The following CCDC39 variants were observed in gnomAD, a reference collection of about 807,000 sequenced individuals.
The protein encoded by CCDC39 is coiled-coil domain-containing protein 39.
In CCDC39, 113 loss-of-function variants were observed where a neutral mutation model predicts 121.0. That is an observed-to-expected ratio of 0.93 (90% CI 0.80 to 1.09). The LOEUF is 1.09. Ranked by LOEUF, CCDC39 falls within the 50% of genes least tolerant of loss-of-function variation. The pLI is 0.00. For synonymous variants in CCDC39, 349 were observed against 352.2 expected, an observed-to-expected ratio of 0.99 and a Z score of 0.10; for missense variants, 1,063 against 1,074.7, an observed-to-expected ratio of 0.99 and a Z score of 0.15.
At chr3:180,660,318 G>A (rs757202148) in intron 4 of CCDC39, among the ~76,000 whole-genome samples, 2 of 151,980 alleles carry the variant, frequency 1.3e-5, no homozygotes, top group Admixed American at 6.6e-5. Context: ...CTTAACCTGC[G>A]ATCCATGAAT....
At chr3:180,671,491 A>C (rs1518865) in intron 1 of CCDC39, among the ~76,000 whole-genome samples, 38,769 of 151,968 alleles carry the variant, frequency 0.26, 5,719 homozygotes, top group East Asian at 0.4. Context: ...CCCTTGAATT[A>C]TTTCCTGTGT....
rs540660862 is a variant in CCDC39 at position 180,642,152 on chromosome 3, C to G, written c.1715G>C (p.Arg572Pro). ...TTCTGCCTTACTGTGAAGCATTTCT[C>G]GAGTACGCTTAACTTCAAGTTTTAA... ...NLLKLEVKRT[R>P]EMLHSKAEEV... Residue 572 changes from arginine to proline, a missense_variant, in exon 13 of 20, where the codon CGA becomes CCA. Arg to Pro is a moderately radical substitution (Grantham distance 103). Transcript: ENST00000476379. The G allele has an allele frequency of 4.3e-6, 7 of 1,611,196 alleles. No individual in the cohort carries two copies. The highest frequency in any genetic ancestry group is 5.9e-6 in the Non-Finnish European group (7 of 1,178,270).
intron 13 of CCDC39, among the ~76,000 whole-genome samples, chr3:180,638,059 T>C (rs1407607997): frequency 6.6e-6 from 1 of 152,132 alleles, no homozygotes; most frequent in African/African-American, 2.4e-5. Flanking sequence ...AACCTGCACA[T>C]GTACCCCTGA....
At chr3:180,642,261 T>G in intron 12 of CCDC39, 60 bp from the exon 13 acceptor site, 5 of 1,098,290 alleles carry the variant, frequency 4.6e-6, no homozygotes, top group Non-Finnish European at 6.4e-6. Flanking sequence ...AACCAAAATT[T>G]TTTTTATTGC....
In CCDC39 at chr3:180,614,656, C is replaced by A. The variant is rs573895014; in HGVS notation, c.*265G>T. ...TGAAGCAAACTATTTTCTAACACTA[C>A]GAACATCAGAATTACAGTGAAATAC... is the stretch of plus-strand genomic sequence containing the variant. On this transcript the variant is annotated 3_prime_UTR_variant, in exon 20 of 20. Transcript: ENST00000476379. 5 of 336,678 alleles carry A rather than the reference C, an allele frequency of 1.5e-5. No homozygotes were observed. In the Admixed American group the frequency reaches 2.4e-4, roughly 16 times the overall value. 20.9% of individuals were successfully genotyped at this position (336,678 alleles called of 1,614,324 possible).
chr3:180,667,375 G>C (rs1711909162), intron 1 of CCDC39, among the ~76,000 whole-genome samples: 1 of 152,124 alleles, frequency 6.6e-6, no homozygotes, highest in Admixed American at 6.6e-5. Context: ...CAAAGTGAAG[G>C]TTTGTGGCAA....
At position 180,651,393 on chromosome 3, in the gene CCDC39, A is replaced by G. The variant is rs766629332; in HGVS notation, c.1167+8T>C. ...GTGATTTAAAGAAAAATTAAAACTA[A>G]ACTTTACCTTCACATCTTTTTCCTC... On this transcript the variant is annotated splice_region_variant and intron_variant, in intron 9 of 19. Transcript: ENST00000476379. 3.9e-6 allele frequency: 6 copies of G among 1,549,890 alleles called. No individual in the cohort carries two copies. Among genetic ancestry groups the G allele is most frequent in the Admixed American group, 2.0e-5 (1 of 50,564 alleles).
At chr3:180,639,105 T>C (rs936171222) in intron 13 of CCDC39, among the ~76,000 whole-genome samples, 2 of 152,138 alleles carry the variant, frequency 1.3e-5, no homozygotes, top group Admixed American at 6.5e-5. Context: ...TGCAATGGAA[T>C]ACTGCTATTT....
intron 2 of CCDC39, 78 bp downstream of exon 2, chr3:180,663,789 A>G: frequency 7.3e-7 from 1 of 1,374,620 alleles, no homozygotes; most frequent in Non-Finnish European, 1.0e-6. Context: ...TTATAGCTGT[A>G]AAAATCGCAG....
chr3:180,660,595 G>C lies in CCDC39; in HGVS notation c.491C>G (p.Ala164Gly). 1 of 1,593,698 alleles carries C rather than the reference G, an allele frequency of 6.3e-7. No individual in the cohort carries two copies. The highest frequency in any genetic ancestry group is 1.1e-5 in the South Asian group (1 of 87,766). ...DSDALTLQKY[A>G]QQDDNKIRAL... ...CCTGATTTTATTATCATCTTGTTGT[G>C]CATACTTCTGGAGAGTGAGAGCATC... Residue 164 changes from alanine to glycine, a missense_variant, in exon 4 of 20, where the codon GCA becomes GGA. Transcript: ENST00000476379.
intron 1 of CCDC39, among the ~76,000 whole-genome samples, chr3:180,678,287 CAT>C (rs1712290521): frequency 1.3e-5 from 2 of 152,170 alleles, no homozygotes; most frequent in South Asian, 4.1e-4. Flanking sequence ...CTAAATTACA[CAT>C]GAGTAAATAG....
intron 6 of CCDC39, among the ~76,000 whole-genome samples, chr3:180,657,709 C>T (rs1306263052): frequency 6.6e-6 from 1 of 152,156 alleles, no homozygotes; most frequent in Non-Finnish European, 1.5e-5. Flanking sequence ...GATGTTATTT[C>T]AATGTAAATT....
At chr3:180,675,479 C>T (rs1336828597) in intron 1 of CCDC39, among the ~76,000 whole-genome samples, 1 of 152,114 alleles carries the variant, frequency 6.6e-6, no homozygotes, top group East Asian at 1.9e-4. Context: ...TCTCTATCTC[C>T]TTCAGTTCTG....
chr3:180,659,570 T>G lies in CCDC39; in HGVS notation c.620A>C (p.Asp207Ala), dbSNP rs201342763. 1.2e-6 allele frequency: 2 copies of G among 1,612,598 alleles called. No homozygotes were observed. Among genetic ancestry groups the G allele is most frequent in the East Asian group, 4.5e-5 (2 of 44,764 alleles). ...TETISAQLEL[D>A]KAAQDFRKIH... ...CTTACGAAAATCTTGTGCTGCTTTATCCAATTCTAACTGTCAAACAGAGAG... is the reference window on the plus strand; with the variant it reads ...CTTACGAAAATCTTGTGCTGCTTTAGCCAATTCTAACTGTCAAACAGAGAG... Residue 207 changes from aspartate to alanine, a missense_variant, in exon 6 of 20, where the codon GAT becomes GCT. Asp to Ala is a moderately radical substitution (Grantham distance 126). Coordinates refer to ENST00000476379, the MANE Select transcript of CCDC39 (RefSeq NM_181426.2).
rs547956411 is a variant in CCDC39, at chr3:180,622,728, A to G, written c.1999-2758T>C. On this transcript the variant is annotated intron_variant, in intron 14 of 19. Coordinates refer to ENST00000476379, the MANE Select transcript of CCDC39 (RefSeq NM_181426.2). The stretch of plus-strand genomic sequence containing the variant: ...ATGTATCATGTTTATTAAGTTGCAT[A>G]TACTAAACCATCCTTTCATCCCTGG... Among the ~76,000 whole-genome samples the G allele has an allele frequency of 1.6e-4, 25 of 152,222 alleles. 1 individual carries two copies. The South Asian group carries it at 4.8e-3, about 29-fold the overall frequency.
In CCDC39 at chr3:180,642,194, A is replaced by G. The variant is rs1717970814; in HGVS notation, c.1673T>C (p.Met558Thr). Residue 558 changes from methionine to threonine, a missense_variant, in exon 13 of 20, where the codon ATG becomes ACG. Met to Thr is a moderately conservative substitution (Grantham distance 81, BLOSUM62 -1). Transcript: ENST00000476379. Reference protein sequence around the residue: ...DKAKGFKQDLMIEDNLLKLEV... With the variant: ...DKAKGFKQDLTIEDNLLKLEV... ...AAGTTTTAAAAGATTGTCCTCTATC[A>G]TCAAATCCTATCAACGTAACAAAAT... is the stretch of plus-strand genomic sequence containing the variant. 14 of 1,579,366 alleles carry G rather than the reference A, an allele frequency of 8.9e-6. No individual in the cohort carries two copies. Among genetic ancestry groups the G allele is most frequent in the Non-Finnish European group, 1.1e-5 (13 of 1,161,648 alleles).
chr3:180,634,964 T>G (rs1717790584), intron 13 of CCDC39, among the ~76,000 whole-genome samples: 1 of 152,150 alleles, frequency 6.6e-6, no homozygotes, highest in Non-Finnish European at 1.5e-5. Context: ...ATTTAATTAG[T>G]CCATTTTCAA....
In CCDC39 at chr3:180,669,599, C is replaced by T. The variant is rs987242270; in HGVS notation, c.91-5613G>A. 5.3e-5 allele frequency among the ~76,000 whole-genome samples: 8 copies of T among 152,084 alleles called. No homozygotes were observed. In the South Asian group the frequency reaches 1.5e-3, roughly 28 times the overall value. On this transcript the variant is annotated intron_variant, in intron 1 of 19. Transcript: ENST00000476379. ...ATTGCCCTGACTACAAAATGTACATCAGCAACATGCAGTGCTTTTACACTT... is the reference window on the plus strand; with the variant it reads ...ATTGCCCTGACTACAAAATGTACATTAGCAACATGCAGTGCTTTTACACTT...
At chr3:180,642,800 T>C (rs1056758240) in intron 12 of CCDC39, among the ~76,000 whole-genome samples, 9 of 152,030 alleles carry the variant, frequency 5.9e-5, no homozygotes, top group Admixed American at 1.3e-4. Context: ...TAGTAAACAT[T>C]TGTCTGATTT....
Sources: gnomAD v4.1 joint callset for allele counts (sites outside exome capture counted in the v4.1 genomes callset) on GRCh38, gnomAD v4.1.1 for gene constraint, MANE v1.5 for transcripts, NCBI Gene and HGNC (gene_info 2026-07-23, HGNC 2026-07-21) for gene names.